The following BARD1 variants were observed in gnomAD, a reference collection of about 807,000 sequenced individuals.
The protein encoded by BARD1 is BRCA1 associated RING domain 1, also known as BRCA1-associated RING domain protein 1.
A neutral mutation model predicts 77.0 loss-of-function variants in BARD1; 73 were observed. The observed-to-expected ratio is 0.95, with a 90% CI of 0.79 to 1.15. The LOEUF (loss-of-function observed/expected upper bound fraction) is 1.15. BARD1 is among the 50% of genes most tolerant of loss of function. The pLI, the probability that BARD1 is intolerant of heterozygous loss-of-function variation, is 0.00. For synonymous variants in BARD1, 384 were observed against 338.0 expected (o/e 1.14, Z -1.49); for missense variants, 993 against 938.8 (o/e 1.06, Z -0.75).
chr2:214,779,291 C>A (rs1694871073), intron 4 of BARD1, among the ~76,000 whole-genome samples: 1 of 152,266 alleles, frequency 6.6e-6, no homozygotes, highest in African/African-American at 2.4e-5. Flanking sequence ...TGCAAATAAC[C>A]TACAGAGATC....
At chr2:214,738,847 T>C (rs1692683662) in intron 9 of BARD1, among the ~76,000 whole-genome samples, 1 of 152,142 alleles carries the variant, frequency 6.6e-6, no homozygotes, top group African/African-American at 2.4e-5. Context: ...CAGATCCACA[T>C]TTTAAAGAAT....
intron 4 of BARD1, among the ~76,000 whole-genome samples, chr2:214,770,351 C>T (rs1694423070): frequency 6.6e-6 from 1 of 152,198 alleles, no homozygotes; most frequent in South Asian, 2.1e-4. Context: ...CTCTATTTCT[C>T]TATTCCAGTA....
At chr2:214,757,398 T>C (rs1190076186) in intron 6 of BARD1, among the ~76,000 whole-genome samples, 7 of 152,150 alleles carry the variant, frequency 4.6e-5, no homozygotes, top group Non-Finnish European at 8.8e-5. Flanking sequence ...CTGGAGATTT[T>C]ACATTTTAAA....
chr2:214,730,664 A>G (rs1692316481), intron 9 of BARD1, among the ~76,000 whole-genome samples, 156 bp from the exon 10 acceptor site: 1 of 152,202 alleles, frequency 6.6e-6, no homozygotes, highest in Non-Finnish European at 1.5e-5. Flanking sequence ...TTATGCCAAA[A>G]CAAAATGTAA....
At chr2:214,758,874 G>A (rs1460118210) in intron 6 of BARD1, among the ~76,000 whole-genome samples, 2 of 152,140 alleles carry the variant, frequency 1.3e-5, no homozygotes, top group Non-Finnish European at 2.9e-5. Flanking sequence ...AAGGAGAGAT[G>A]GGCAAATTTA....
chr2:214,729,010 T>C lies in BARD1; in HGVS notation c.2002-2A>G, dbSNP rs876658260. The C allele has an allele frequency of 1.9e-6, 3 of 1,613,826 alleles. No homozygotes were observed. Among genetic ancestry groups the C allele is most frequent in the African/African-American group, 1.3e-5 (1 of 75,020 alleles). ...GCATCCATCAAACAGCTTTGGCAAC[T>C]GAAATAATGAGAAAACATTTGTTAA... is the stretch of plus-strand genomic sequence containing the variant. On this transcript the variant is annotated splice_acceptor_variant, in intron 10 of 10. Transcript: ENST00000260947. LOFTEE classifies it high-confidence loss of function.
intron 3 of BARD1, among the ~76,000 whole-genome samples, chr2:214,786,591 A>G (rs1267153765): frequency 6.6e-6 from 1 of 151,978 alleles, no homozygotes; most frequent in African/African-American, 2.4e-5. Flanking sequence ...AAATAAAATA[A>G]TTAGTACTTA....
intron 6 of BARD1, among the ~76,000 whole-genome samples, chr2:214,764,468 G>A (rs774887341): frequency 2.3e-4 from 35 of 152,060 alleles, no homozygotes; most frequent in Non-Finnish European, 3.8e-4. Flanking sequence ...GCAAAGACAT[G>A]TACAAAGGCT....
At chr2:214,736,240 T>C (rs1368551967) in intron 9 of BARD1, among the ~76,000 whole-genome samples, 1 of 152,080 alleles carries the variant, frequency 6.6e-6, no homozygotes, top group Admixed American at 6.6e-5. Context: ...CAAAATACCA[T>C]ACTAGAAGCA....
At chr2:214,772,579 T>C (rs3768715) in intron 4 of BARD1, among the ~76,000 whole-genome samples, 27,596 of 152,180 alleles carry the variant, frequency 0.18, 2,709 homozygotes, top group East Asian at 0.42. Context: ...TCTTTTAAGG[T>C]TGTTAGACAG....
At position 214,728,773 on chromosome 2, in the gene BARD1, T is replaced by C. The variant is rs878854007; in HGVS notation, c.2237A>G (p.His746Arg). The C allele has an allele frequency of 3.7e-6, 6 of 1,614,086 alleles. No individual in the cohort carries two copies. Among genetic ancestry groups the C allele is most frequent in the Non-Finnish European group, 4.2e-6 (5 of 1,180,016 alleles). Reference sequence around the variant, plus strand: ...TTTGCCCTGCCGAACCCTCTCTGGGTGATAATTACACAAATCTTCATAGAT... The same window carrying C: ...TTTGCCCTGCCGAACCCTCTCTGGGCGATAATTACACAAATCTTCATAGAT... Reference protein sequence around the residue: ...YIIYEDLCNYHPERVRQGKVW... With the variant: ...YIIYEDLCNYRPERVRQGKVW... Residue 746 changes from histidine to arginine, a missense_variant, in exon 11 of 11, where the codon CAC (histidine) becomes CGC (arginine). Coordinates refer to ENST00000260947, the MANE Select transcript of BARD1 (RefSeq NM_000465.4).
chr2:214,762,300 G>A (rs896344355), intron 6 of BARD1, among the ~76,000 whole-genome samples: 1 of 151,986 alleles, frequency 6.6e-6, no homozygotes, highest in Non-Finnish European at 1.5e-5. Context: ...ATCTCATTAC[G>A]TATATGCAAA....
rs2106039183 is a variant in BARD1 at position 214,752,561 on chromosome 2, A to G, written c.1569-6T>C. The G allele has an allele frequency of 6.2e-7, 1 of 1,606,016 alleles. No homozygotes were observed. Among genetic ancestry groups the G allele is most frequent in the Non-Finnish European group, 8.5e-7 (1 of 1,172,754 alleles). On this transcript the variant is annotated splice_polypyrimidine_tract_variant and splice_region_variant and intron_variant, in intron 6 of 10. Transcript: ENST00000260947. Reference sequence around the variant, plus strand: ...GCCGCAGACCAAATATATTACTGGTAAAATAAGTGCAGATGTGTTTAAGTA... The same window carrying G: ...GCCGCAGACCAAATATATTACTGGTGAAATAAGTGCAGATGTGTTTAAGTA...
chr2:214,782,020 C>T (rs1695064984), intron 3 of BARD1, among the ~76,000 whole-genome samples: 1 of 152,026 alleles, frequency 6.6e-6, no homozygotes, highest in African/African-American at 2.4e-5. Flanking sequence ...AAGAAAGGTA[C>T]AATTTGAAAG....
chr2:214,787,793 G>A (rs1695338003), intron 3 of BARD1, among the ~76,000 whole-genome samples: 3 of 151,950 alleles, frequency 2.0e-5, no homozygotes. Context: ...ATTAGAAAAT[G>A]TGATTTAGCT....
chr2:214,804,989 C>T (rs533110659), intron 1 of BARD1, among the ~76,000 whole-genome samples: 5 of 152,182 alleles, frequency 3.3e-5, no homozygotes, highest in Non-Finnish European at 7.4e-5. Context: ...GGTGAAACCC[C>T]GTGTCTACTA....
chr2:214,791,585 C>T (rs1270685913), intron 3 of BARD1, among the ~76,000 whole-genome samples: 2 of 152,148 alleles, frequency 1.3e-5, no homozygotes, highest in Non-Finnish European at 2.9e-5. Flanking sequence ...TGGAAAGATA[C>T]ACAGTTAATA....
rs1013630227 is a variant in BARD1 at position 214,726,627 on chromosome 2, G to A, written c.*2049C>T. On this transcript the variant is annotated 3_prime_UTR_variant, in exon 11 of 11. Coordinates refer to ENST00000260947, the MANE Select transcript of BARD1 (RefSeq NM_000465.4). ...TAAGCCAATTTTATACAAGACACAGGTATATGGAAACACAAATAACTTTAA... is the reference window on the plus strand; with the variant it reads ...TAAGCCAATTTTATACAAGACACAGATATATGGAAACACAAATAACTTTAA... 4.4e-6 allele frequency: 1 copy of A among 229,532 alleles called. No homozygotes were observed. The highest frequency in any genetic ancestry group is 6.2e-5 in the East Asian group (1 of 16,036). 14.2% of individuals were successfully genotyped at this position (229,532 alleles called of 1,614,324 possible).
chr2:214,773,248 C>G (rs1188180817), intron 4 of BARD1, among the ~76,000 whole-genome samples: 3 of 152,122 alleles, frequency 2.0e-5, no homozygotes, highest in Non-Finnish European at 4.4e-5. Flanking sequence ...CATTAATAAA[C>G]ATATTCATAA....
Sources: allele counts gnomAD v4.1 joint callset (sites outside exome capture counted in the v4.1 genomes callset), GRCh38; gene constraint gnomAD v4.1.1; transcripts MANE v1.5; gene names NCBI Gene and HGNC (gene_info 2026-07-23, HGNC 2026-07-21).